Variants in SLC4A4 observed in about 807,000 individuals in gnomAD.
SLC4A4 encodes the protein electrogenic sodium bicarbonate cotransporter 1.
A neutral mutation model predicts 111.5 loss-of-function variants in SLC4A4; 27 were observed. The observed-to-expected ratio is 0.24, with a 90% CI of 0.18 to 0.33. The LOEUF is 0.33. Among genes scored for constraint, SLC4A4 ranks in the 10% least tolerant of loss-of-function variants. SLC4A4 has a pLI of 1.00. For missense variants in SLC4A4, 909 were observed against 1,315.5 expected, an observed-to-expected ratio of 0.69 and a Z score of 4.78; for synonymous variants, 443 against 463.4, an observed-to-expected ratio of 0.96 and a Z score of 0.57.
chr4:71,075,631 C>T (rs1741790650), intron 1 of SLC4A4, among the ~76,000 whole-genome samples: 1 of 152,152 alleles, frequency 6.6e-6, no homozygotes, highest in Non-Finnish European at 1.5e-5. Context: ...TCCAGCTCTT[C>T]CTTCAGGTCT....
In SLC4A4 at chr4:71,428,962, A is replaced by G. The variant is rs143871416; in HGVS notation, c.808-11654A>G. On this transcript the variant is annotated intron_variant, in intron 7 of 25. Coordinates refer to ENST00000264485, the MANE Select transcript of SLC4A4 (RefSeq NM_001098484.3). ...TAACATTCTAGTAAATTAGATTTAAAGGACAAATTGTGAGTATTCCTGGTT... is the reference window on the plus strand; with the variant it reads ...TAACATTCTAGTAAATTAGATTTAAGGGACAAATTGTGAGTATTCCTGGTT... Among the ~76,000 whole-genome samples, 318 of 152,274 alleles carry G rather than the reference A, an allele frequency of 2.1e-3. 3 individuals are homozygous for G. The highest frequency in any genetic ancestry group is 7.0e-3 in the African/African-American group (292 of 41,562).
chr4:71,251,597 A>G (rs1331861261), intron 2 of SLC4A4, among the ~76,000 whole-genome samples: 8 of 152,216 alleles, frequency 5.3e-5, no homozygotes, highest in Admixed American at 4.6e-4. Flanking sequence ...TGAACACATG[A>G]TACTGAAGCC....
At chr4:71,229,510 G>A (rs556210375) in intron 1 of SLC4A4, among the ~76,000 whole-genome samples, 21 of 152,208 alleles carry the variant, frequency 1.4e-4, no homozygotes, top group Middle Eastern at 3.4e-3. Flanking sequence ...CTTTTATCCA[G>A]TTCTCTCAGT....
At chr4:71,261,762 A>G (rs1721870088) in intron 3 of SLC4A4, among the ~76,000 whole-genome samples, 1 of 152,108 alleles carries the variant, frequency 6.6e-6, no homozygotes, top group African/African-American at 2.4e-5. Flanking sequence ...TTCTATTCTA[A>G]TAGTTATTCC....
In SLC4A4 at chr4:71,277,556, CTCTTTT is replaced by C. The variant is rs1723167641; in HGVS notation, c.253+22163_253+22168del. ...CTTCTCTTTTTCTTTCTTTCTCTTTCTCTTTTTCTTTCCTTCCTTCCTTCCTTCCTT... is the reference window on the plus strand; with the variant it reads ...CTTCTCTTTTTCTTTCTTTCTCTTTCTCTTTCCTTCCTTCCTTCCTTCCTT... On this transcript the variant is annotated intron_variant, in intron 3 of 25. Coordinates refer to ENST00000264485, the MANE Select transcript of SLC4A4 (RefSeq NM_001098484.3). Among the ~76,000 whole-genome samples the C allele has an allele frequency of 1.1e-4, 16 of 148,422 alleles. 1 individual carries two copies. In the South Asian group the frequency reaches 3.5e-3, roughly 32 times the overall value.
intron 6 of SLC4A4, among the ~76,000 whole-genome samples, chr4:71,384,622 C>G (rs924640003): frequency 1.0e-4 from 13 of 128,480 alleles, no homozygotes; most frequent in African/African-American, 2.7e-4. Context: ...GGCGGCACAG[C>G]AAGACTCCGT....
At chr4:71,474,542 AGAAGACT>A (rs1728179522) in intron 14 of SLC4A4, among the ~76,000 whole-genome samples, 2 of 151,888 alleles carry the variant, frequency 1.3e-5, no homozygotes, top group Non-Finnish European at 2.9e-5. Flanking sequence ...AAGAAGTCTT[AGAAGACT>A]GATATGTGTC....
intron 2 of SLC4A4, among the ~76,000 whole-genome samples, chr4:71,170,266 T>C (rs1342965404): frequency 1.3e-5 from 2 of 152,234 alleles, no homozygotes; most frequent in Non-Finnish European, 2.9e-5. Flanking sequence ...CTGAAGACAG[T>C]GGCCTTGTCT....
intron 6 of SLC4A4, among the ~76,000 whole-genome samples, chr4:71,372,165 A>G (rs751773333): frequency 4.6e-5 from 7 of 152,372 alleles, no homozygotes; most frequent in Middle Eastern, 3.4e-3. Context: ...GAAGTTACTA[A>G]CTACCTTTAA....
intron 5 of SLC4A4, among the ~76,000 whole-genome samples, chr4:71,356,454 C>T (rs150735466): frequency 2.6e-5 from 4 of 152,220 alleles, no homozygotes; most frequent in Admixed American, 1.3e-4. Context: ...AAGACTACAA[C>T]ATAATTTTGT....
At chr4:71,537,803 C>T (rs570526662) in intron 18 of SLC4A4, among the ~76,000 whole-genome samples, 2 of 151,888 alleles carry the variant, frequency 1.3e-5, no homozygotes, top group African/African-American at 2.4e-5. Flanking sequence ...CCACAGAGCC[C>T]GAGAATTGGT....
intron 1 of SLC4A4, among the ~76,000 whole-genome samples, chr4:71,082,872 G>A (rs1405785952): frequency 6.8e-6 from 1 of 147,172 alleles, no homozygotes; most frequent in Non-Finnish European, 1.5e-5. Flanking sequence ...TTTTTTGTTG[G>A]AGACAGAGTC....
chr4:71,099,697 A>G (rs1468539775), intron 2 of SLC4A4, among the ~76,000 whole-genome samples: 2 of 152,184 alleles, frequency 1.3e-5, no homozygotes, highest in African/African-American at 4.8e-5. Flanking sequence ...GCTATTAGCT[A>G]GACAAATAAA....
intron 10 of SLC4A4, 62 bp downstream of exon 10, chr4:71,450,605 T>TAAAAA (rs879740266): frequency 1.7e-6 from 2 of 1,203,196 alleles, no homozygotes; most frequent in Admixed American, 2.4e-5. Flanking sequence ...GAGGTTGTGT[T>TAAAAA]AAAAAAAAAA....
At chr4:71,103,888 A>C (rs1348076110) in intron 2 of SLC4A4, among the ~76,000 whole-genome samples, 5 of 136,704 alleles carry the variant, frequency 3.7e-5, no homozygotes, top group East Asian at 4.4e-4. Context: ...AAACACATTC[A>C]AAAGCTAGCA....
chr4:71,306,566 AG>A (rs1725704113), intron 3 of SLC4A4, among the ~76,000 whole-genome samples: 1 of 152,110 alleles, frequency 6.6e-6, no homozygotes, highest in South Asian at 2.1e-4. Flanking sequence ...TTGGCAACAG[AG>A]TGAGACTCCG....
At chr4:71,224,909 A>T (rs1311655928) in intron 1 of SLC4A4, among the ~76,000 whole-genome samples, 1 of 152,208 alleles carries the variant, frequency 6.6e-6, no homozygotes, top group African/African-American at 2.4e-5. Flanking sequence ...TGGGCAAATT[A>T]TTTAACTTCA....
In SLC4A4 at chr4:71,410,073, C is replaced by T. The variant is rs562759169; in HGVS notation, c.807+12420C>T. On this transcript the variant is annotated intron_variant, in intron 7 of 25. Coordinates refer to ENST00000264485, the MANE Select transcript of SLC4A4 (RefSeq NM_001098484.3). ...AGATGTATGGAAATGCCTGGATGCC[C>T]AGGCAAAAGTTTGCTGCAGGGGTGG... Among the ~76,000 whole-genome samples, 462 of 152,272 alleles carry T rather than the reference C, an allele frequency of 3.0e-3. 3 individuals are homozygous for T. The highest frequency in any genetic ancestry group is 0.011 in the African/African-American group (442 of 41,560).
intron 7 of SLC4A4, among the ~76,000 whole-genome samples, chr4:71,431,186 CT>C (rs1723613285): frequency 6.8e-6 from 1 of 147,988 alleles, no homozygotes; most frequent in South Asian, 2.1e-4. Context: ...AGGCAACATT[CT>C]AATAAAAATG....
Sources: allele counts gnomAD v4.1 joint callset (sites outside exome capture counted in the v4.1 genomes callset), GRCh38; gene constraint gnomAD v4.1.1; transcripts MANE v1.5; gene names NCBI Gene and HGNC (gene_info 2026-07-23, HGNC 2026-07-21).